Variants in PCDH15 observed in about 807,000 individuals in gnomAD.
PCDH15 encodes the protein protocadherin-15.
In PCDH15, 129 loss-of-function variants were observed where a neutral mutation model predicts 178.5. That is an observed-to-expected ratio of 0.72 (90% CI 0.63 to 0.84). PCDH15 has a LOEUF of 0.84. Ranked by LOEUF, PCDH15 falls within the 40% of genes least tolerant of loss-of-function variation. The pLI is 0.00. For synonymous variants in PCDH15, 800 were observed against 732.0 expected, an observed-to-expected ratio of 1.09 and a Z score of -1.50; for missense variants, 2,230 against 2,099.9, an observed-to-expected ratio of 1.06 and a Z score of -1.21.
chr10:53,807,423 A>G (rs1841263346), intron 37 of PCDH15, among the ~76,000 whole-genome samples: 1 of 152,154 alleles, frequency 6.6e-6, no homozygotes. Context: ...CATGGAAAAA[A>G]ATGTATTACT....
At chr10:55,621,209 T>G (rs2132170725) in intron 2 of PCDH15, among the ~76,000 whole-genome samples, 1 of 152,246 alleles carries the variant, frequency 6.6e-6, no homozygotes, top group East Asian at 1.9e-4. Context: ...AAAGAAGAAA[T>G]AAAAACTGGA....
At chr10:54,644,908 C>T (rs1056777271) in intron 2 of PCDH15, among the ~76,000 whole-genome samples, 3 of 152,098 alleles carry the variant, frequency 2.0e-5, no homozygotes, top group Admixed American at 6.6e-5. Context: ...ACACAGCATT[C>T]GTCTTCTCCA....
At chr10:54,299,190 A>T (rs2059989734) in intron 8 of PCDH15, among the ~76,000 whole-genome samples, 1 of 152,128 alleles carries the variant, frequency 6.6e-6, no homozygotes, top group East Asian at 1.9e-4. Context: ...AGAAACAGAG[A>T]GACAAAGAGG....
At chr10:55,226,573 G>A (rs1592003110) in intron 1 of PCDH15, among the ~76,000 whole-genome samples, 1 of 151,774 alleles carries the variant, frequency 6.6e-6, no homozygotes, top group African/African-American at 2.4e-5. Flanking sequence ...GTAGACACGG[G>A]GTTTCATCAT....
chr10:55,565,565 T>A (rs973115545), intron 2 of PCDH15, among the ~76,000 whole-genome samples: 2 of 151,588 alleles, frequency 1.3e-5, no homozygotes, highest in Admixed American at 1.3e-4. Flanking sequence ...AGTTGGTTGT[T>A]TGAAAAGATC....
intron 3 of PCDH15, among the ~76,000 whole-genome samples, chr10:54,467,910 C>A (rs2136617855): frequency 6.6e-6 from 1 of 151,672 alleles, no homozygotes; most frequent in Non-Finnish European, 1.5e-5. Flanking sequence ...TTATATTTTT[C>A]CAGGAACTTG....
At position 53,918,665 on chromosome 10, in the gene PCDH15, T is replaced by C. The variant is rs75334095; in HGVS notation, c.3374-15295A>G. Among the ~76,000 whole-genome samples, 1,362 of 152,142 alleles carry C rather than the reference T, an allele frequency of 9.0e-3. 11 individuals carry two copies. Among genetic ancestry groups the C allele is most frequent in the Middle Eastern group, 0.054 (16 of 294 alleles). The stretch of plus-strand genomic sequence containing the variant: ...GCCTTTCAAACAATGTGCTAAATTA[T>C]TTAATGCTGCTCAAATAGGCGCCTC... On this transcript the variant is annotated intron_variant, in intron 25 of 37. Transcript: ENST00000644397.
At chr10:54,221,020 A>T (rs1397613655) in intron 9 of PCDH15, among the ~76,000 whole-genome samples, 1 of 150,878 alleles carries the variant, frequency 6.6e-6, no homozygotes, top group Non-Finnish European at 1.5e-5. Context: ...AGTCAACCTA[A>T]AGCTGTTCTT....
chr10:55,530,891 G>GT (rs1841437595), intron 2 of PCDH15, among the ~76,000 whole-genome samples: 1 of 151,952 alleles, frequency 6.6e-6, no homozygotes, highest in Admixed American at 6.6e-5. Flanking sequence ...GCTTTCAATA[G>GT]TTTGTGTACA....
At chr10:55,608,677 G>A (rs924660156) in intron 2 of PCDH15, among the ~76,000 whole-genome samples, 62 of 151,850 alleles carry the variant, frequency 4.1e-4, no homozygotes, top group African/African-American at 6.5e-4. Context: ...TGCTGCAGCC[G>A]AGGAAATGGG....
intron 1 of PCDH15, among the ~76,000 whole-genome samples, chr10:55,281,095 G>A (rs1049421224): frequency 1.3e-5 from 2 of 152,146 alleles, no homozygotes; most frequent in South Asian, 2.1e-4. Context: ...GCCAATAAAT[G>A]TGTAAAAAAT....
chr10:55,228,430 C>T lies in PCDH15; in HGVS notation c.-155-61779G>A, dbSNP rs74798580. ...GAATATTCTGTTTTACTATAAGCTT[C>T]GTAAGGACTGCTTGACTTTTAAAAA... is the stretch of plus-strand genomic sequence containing the variant. On this transcript the variant is annotated intron_variant, in intron 1 of 5. Transcript: ENST00000458638. 6.9e-3 allele frequency among the ~76,000 whole-genome samples: 1,049 copies of T among 151,804 alleles called. 21 individuals carry two copies. Among genetic ancestry groups the T allele is most frequent in the African/African-American group, 0.023 (957 of 41,354 alleles).
chr10:54,035,642 T>C (rs982809514), intron 18 of PCDH15, among the ~76,000 whole-genome samples: 3 of 151,928 alleles, frequency 2.0e-5, no homozygotes, highest in Non-Finnish European at 2.9e-5. Context: ...GCCTTCCTAT[T>C]CTCTGAGACA....
In PCDH15 at chr10:54,780,366, A is replaced by G. The variant is rs571196363; in HGVS notation, c.-29+20559T>C. Among the ~76,000 whole-genome samples, 56 of 152,312 alleles carry G rather than the reference A, an allele frequency of 3.7e-4. No homozygotes were observed. The South Asian group carries it at 0.011, about 30-fold the overall frequency. On this transcript the variant is annotated intron_variant, in intron 1 of 37. Transcript: ENST00000644397. ...TCTTTGGGACATGGTGAGAGATGTCAGCATTAGCTAGCTGTGGGTCAGCTG... is the reference window on the plus strand; with the variant it reads ...TCTTTGGGACATGGTGAGAGATGTCGGCATTAGCTAGCTGTGGGTCAGCTG...
At chr10:53,857,379 C>T in intron 27 of PCDH15, 116 bp from the exon 28 acceptor site, 5 of 760,484 alleles carry the variant, frequency 6.6e-6, no homozygotes, top group Non-Finnish European at 1.2e-5. Context: ...TTCTGATTTT[C>T]AAATTCAGGA....
intron 2 of PCDH15, among the ~76,000 whole-genome samples, chr10:55,136,616 G>A (rs1019376317): frequency 6.6e-6 from 1 of 152,110 alleles, no homozygotes; most frequent in South Asian, 2.1e-4. Context: ...AAATAAATAA[G>A]TTCCTAGGAA....
chr10:54,022,774 T>C (rs997280087), intron 19 of PCDH15, 118 bp downstream of exon 19: 1 of 988,162 alleles, frequency 1.0e-6, no homozygotes, highest in African/African-American at 1.6e-5. Flanking sequence ...TCATTGTTTA[T>C]CTGAAATTAA....
At chr10:54,664,371 A>T (rs2094537504) in intron 1 of PCDH15, 81 bp from the exon 2 acceptor site, 3 of 904,534 alleles carry the variant, frequency 3.3e-6, no homozygotes, top group Non-Finnish European at 5.3e-6. Context: ...ACAGCACAGA[A>T]AAGCCTTAAT....
chr10:55,427,478 A>G (rs1159133003), intron 2 of PCDH15, among the ~76,000 whole-genome samples: 1 of 152,216 alleles, frequency 6.6e-6, no homozygotes, highest in African/African-American at 2.4e-5. Flanking sequence ...TCAAGGGCTA[A>G]TAGCCTAGTT....
Sources: allele counts gnomAD v4.1 joint callset (sites outside exome capture counted in the v4.1 genomes callset), GRCh38; gene constraint gnomAD v4.1.1; transcripts MANE v1.5; gene names NCBI Gene and HGNC (gene_info 2026-07-23, HGNC 2026-07-21).